The following DOCK5 variants were observed in gnomAD, a reference collection of about 807,000 sequenced individuals.
DOCK5 encodes the protein dedicator of cytokinesis 5.
In DOCK5, 142 loss-of-function variants were observed where a neutral mutation model predicts 251.8. The observed-to-expected ratio is 0.56, with a 90% CI of 0.49 to 0.65. The LOEUF (loss-of-function observed/expected upper bound fraction) is 0.65. Among genes scored for constraint, DOCK5 ranks in the 30% least tolerant of loss-of-function variants. DOCK5 has a pLI of 0.00. For missense variants in DOCK5, 2,111 were observed against 2,312.3 expected (o/e 0.91, Z 1.79); for synonymous variants, 842 against 835.5 (o/e 1.01, Z -0.13).
At position 25,395,654 on chromosome 8, in the gene DOCK5, C is replaced by G. The variant is rs1801332716; in HGVS notation, c.4639C>G (p.Leu1547Val). The change falls in exon 45 of 52, where the codon CTC becomes GTC. Residue 1547 changes from leucine to valine, a missense_variant. Transcript: ENST00000276440. ...GGACCGGTCCCTCTCTGTGCACCCTCTCTCCATGCTGCTCAGTGGCATCGT... is the reference window on the plus strand; with the variant it reads ...GGACCGGTCCCTCTCTGTGCACCCTGTCTCCATGCTGCTCAGTGGCATCGT... ...AWDRSLSVHP[L>V]SMLLSGIVDP... is the part of the protein sequence containing the mutation. 1.2e-6 allele frequency: 2 copies of G among 1,613,658 alleles called. No individual in the cohort carries two copies. The highest frequency in any genetic ancestry group is 3.3e-5 in the Admixed American group (2 of 59,982).
intron 1 of DOCK5, among the ~76,000 whole-genome samples, chr8:25,198,840 G>A (rs57652810): frequency 0.1 from 15,271 of 152,228 alleles, 1,195 homozygotes; most frequent in African/African-American, 0.22. Context: ...TTGTTAATCA[G>A]ATCTCCTTAA....
intron 46 of DOCK5, among the ~76,000 whole-genome samples, 159 bp downstream of exon 46, chr8:25,400,153 G>A (rs986615153): frequency 2.0e-5 from 3 of 152,002 alleles, no homozygotes; most frequent in Non-Finnish European, 4.4e-5. Flanking sequence ...TTGCTCGGCC[G>A]GCAGTTAAAC....
intron 12 of DOCK5, 128 bp downstream of exon 12, chr8:25,309,053 C>T (rs1158415463): frequency 1.6e-6 from 2 of 1,231,228 alleles, no homozygotes; most frequent in Non-Finnish European, 2.2e-6. Context: ...GGACCATCCC[C>T]CTCAGCTTCC....
At chr8:25,302,132 A>G (rs567076697) in intron 9 of DOCK5, among the ~76,000 whole-genome samples, 193 bp from the exon 10 acceptor site, 5 of 152,344 alleles carry the variant, frequency 3.3e-5, no homozygotes, top group South Asian at 4.1e-4. Context: ...ACTTGTTTAC[A>G]AGCACAAAGT....
chr8:25,222,427 G>C (rs935921259), intron 1 of DOCK5, among the ~76,000 whole-genome samples: 10 of 152,118 alleles, frequency 6.6e-5, no homozygotes, highest in Admixed American at 4.6e-4. Flanking sequence ...CTAGGAGTCA[G>C]GTGGCCTGAA....
intron 4 of DOCK5, among the ~76,000 whole-genome samples, chr8:25,277,878 C>T (rs528220468): frequency 5.0e-4 from 76 of 152,326 alleles, no homozygotes; most frequent in African/African-American, 1.8e-3. Flanking sequence ...TTGAGCCTGG[C>T]AGTCCTACCA....
At chr8:25,324,587 A>G (rs555350248) in intron 17 of DOCK5, among the ~76,000 whole-genome samples, 1 of 152,334 alleles carries the variant, frequency 6.6e-6, no homozygotes, top group Non-Finnish European at 1.5e-5. Context: ...TTTATGAATC[A>G]TTTTGGAAGG....
intron 27 of DOCK5, among the ~76,000 whole-genome samples, chr8:25,357,911 A>T (rs1248137457): frequency 6.6e-6 from 1 of 152,156 alleles, no homozygotes; most frequent in East Asian, 1.9e-4. Flanking sequence ...TAAGTCTATA[A>T]TTCACATTTT....
At chr8:25,386,784 C>G (rs1801171957) in intron 40 of DOCK5, among the ~76,000 whole-genome samples, 1 of 152,098 alleles carries the variant, frequency 6.6e-6, no homozygotes, top group Non-Finnish European at 1.5e-5. Context: ...ATCAAGAACA[C>G]CAGACTTTCA....
At chr8:25,272,399 T>G (rs1262811976) in intron 3 of DOCK5, among the ~76,000 whole-genome samples, 1 of 152,224 alleles carries the variant, frequency 6.6e-6, no homozygotes, top group African/African-American at 2.4e-5. Context: ...TATGATCTGC[T>G]TAGATGTCAC....
rs1398637188 is a variant in DOCK5 at position 25,380,341 on chromosome 8, G to T, written c.3973G>T (p.Ala1325Ser). The change falls in exon 39 of 52, where the codon GCT becomes TCT. Residue 1325 changes from alanine to serine, a missense_variant. Physicochemically the swap from Ala to Ser is moderately conservative, Grantham distance 99. Transcript: ENST00000276440. ...GGCCATCAAGCTGAGCAAAGAGTTG[G>T]CTGAGACTTACGAAAGCAAAGTATT... ...EKAIKLSKEL[A>S]ETYESKVFDY... The T allele has an allele frequency of 5.0e-6, 8 of 1,612,210 alleles. No individual in the cohort carries two copies. The highest frequency in any genetic ancestry group is 6.8e-6 in the Non-Finnish European group (8 of 1,179,130).
At chr8:25,288,962 GT>G (rs1205514964) in intron 5 of DOCK5, among the ~76,000 whole-genome samples, 2 of 152,144 alleles carry the variant, frequency 1.3e-5, no homozygotes, top group Non-Finnish European at 2.9e-5. Context: ...TGCCTTCTGT[GT>G]TTTTTTAAGA....
chr8:25,283,781 G>C (rs1009873441), intron 5 of DOCK5, among the ~76,000 whole-genome samples: 117 of 152,296 alleles, frequency 7.7e-4, no homozygotes, highest in African/African-American at 2.6e-3. Flanking sequence ...GAACCTGCTT[G>C]GTTTAAATTC....
chr8:25,358,181 G>C (rs1433543783), intron 27 of DOCK5, among the ~76,000 whole-genome samples: 1 of 152,136 alleles, frequency 6.6e-6, no homozygotes, highest in African/African-American at 2.4e-5. Context: ...AGAGGAAAGA[G>C]GTTTAATTGA....
chr8:25,198,875 C>G (rs555218999), intron 1 of DOCK5, among the ~76,000 whole-genome samples: 10 of 152,320 alleles, frequency 6.6e-5, no homozygotes, highest in African/African-American at 2.4e-4. Flanking sequence ...ATTCTCCCCT[C>G]TCCATCCAAA....
chr8:25,217,112 A>T (rs1183905898), intron 1 of DOCK5, among the ~76,000 whole-genome samples: 1 of 149,104 alleles, frequency 6.7e-6, no homozygotes, highest in African/African-American at 2.4e-5. Context: ...ATATATACGT[A>T]TATATGTGTA....
intron 18 of DOCK5, among the ~76,000 whole-genome samples, chr8:25,326,129 G>A (rs1805557390): frequency 6.6e-6 from 1 of 151,096 alleles, no homozygotes; most frequent in Admixed American, 6.6e-5. Context: ...ATTATGACAT[G>A]TGCTAGCCAA....
intron 13 of DOCK5, among the ~76,000 whole-genome samples, chr8:25,312,442 G>A (rs542940669): frequency 1.3e-5 from 2 of 152,230 alleles, no homozygotes; most frequent in South Asian, 4.1e-4. Context: ...TTCATAGGAT[G>A]CCAAGGGCTA....
intron 1 of DOCK5, among the ~76,000 whole-genome samples, chr8:25,218,304 A>G (rs1340842263): frequency 6.6e-6 from 1 of 152,184 alleles, no homozygotes; most frequent in Non-Finnish European, 1.5e-5. Flanking sequence ...GGGTGCCCTC[A>G]GGTTGGTCAC....
Sources: allele counts gnomAD v4.1 joint callset (sites outside exome capture counted in the v4.1 genomes callset), GRCh38; gene constraint gnomAD v4.1.1; transcripts MANE v1.5; gene names NCBI Gene and HGNC (gene_info 2026-07-23, HGNC 2026-07-21).